Variants in EXTL3 observed in about 807,000 individuals in gnomAD.
EXTL3 encodes exostosin-like 3.
EXTL3 carries 27 observed loss-of-function variants against 69.3 expected under a neutral mutation model. The ratio of observed to expected loss-of-function variants is 0.39; its 90% confidence interval spans 0.29 to 0.54. The LOEUF (loss-of-function observed/expected upper bound fraction) is 0.54. Among genes scored for constraint, EXTL3 ranks in the 20% least tolerant of loss-of-function variants. The pLI is 0.69. For synonymous variants in EXTL3, 511 were observed against 499.4 expected (o/e 1.02, Z -0.31); for missense variants, 1,003 against 1,231.8 (o/e 0.81, Z 2.78).
intron 1 of EXTL3, among the ~76,000 whole-genome samples, chr8:28,646,007 C>T (rs538249793): frequency 2.6e-5 from 4 of 152,090 alleles, no homozygotes; most frequent in African/African-American, 9.6e-5. Flanking sequence ...GGACCACAGG[C>T]GTGCGCCACC....
chr8:28,719,375 G>A (rs1801244320), intron 3 of EXTL3, among the ~76,000 whole-genome samples: 1 of 152,188 alleles, frequency 6.6e-6, no homozygotes, highest in Non-Finnish European at 1.5e-5. Flanking sequence ...TAAAGGAGAT[G>A]GAAGCCAGTA....
chr8:28,625,208 A>G (rs1460440614), intron 1 of EXTL3, among the ~76,000 whole-genome samples: 3 of 152,310 alleles, frequency 2.0e-5, no homozygotes, highest in South Asian at 2.1e-4. Context: ...GCTCACTCCT[A>G]GTGAAAACAC....
upstream of EXTL3, among the ~76,000 whole-genome samples, chr8:28,621,370 G>T (rs1457722279): frequency 1.3e-5 from 2 of 152,152 alleles, no homozygotes; most frequent in African/African-American, 4.8e-5. Flanking sequence ...CAGGAGAGAG[G>T]CCTGAAACAA....
At chr8:28,663,265 G>A (rs910438878) in intron 1 of EXTL3, among the ~76,000 whole-genome samples, 1 of 152,142 alleles carries the variant, frequency 6.6e-6, no homozygotes, top group Non-Finnish European at 1.5e-5. Flanking sequence ...GATGGGTAAG[G>A]GGTGTCCTCT....
intron 1 of EXTL3, among the ~76,000 whole-genome samples, chr8:28,663,994 T>C (rs970334026): frequency 1.3e-5 from 2 of 152,234 alleles, no homozygotes; most frequent in African/African-American, 4.8e-5. Flanking sequence ...AAAACATTGC[T>C]GTCTCTTTAT....
At position 28,751,282 on chromosome 8, in the gene EXTL3, C is replaced by T. The variant is rs1262777367; in HGVS notation, c.*416C>T. 2 of 199,200 alleles carry T rather than the reference C, an allele frequency of 1.0e-5. No individual in the cohort carries two copies. The highest frequency in any genetic ancestry group is 4.6e-5 in the African/African-American group (2 of 43,154). The allele number at this position is 199,200 out of a possible 1,614,324, so 12.3% of individuals were successfully genotyped here. ...GTGTGTGTATATAAATACATGCACA[C>T]ACTTGCATACATATATATTTTTGGC... is the stretch of plus-strand genomic sequence containing the variant. On this transcript the variant is annotated 3_prime_UTR_variant, in exon 7 of 7. Coordinates refer to ENST00000220562, the MANE Select transcript of EXTL3 (RefSeq NM_001440.4).
At chr8:28,685,099 G>T (rs908371409) in intron 1 of EXTL3, among the ~76,000 whole-genome samples, 2 of 151,036 alleles carry the variant, frequency 1.3e-5, no homozygotes, top group African/African-American at 2.4e-5. Context: ...TTACAGGCAC[G>T]TGCCACCACG....
chr8:28,681,727 T>C (rs576577284), intron 1 of EXTL3, among the ~76,000 whole-genome samples: 4 of 152,138 alleles, frequency 2.6e-5, no homozygotes, highest in African/African-American at 7.2e-5. Context: ...TCCATACTGT[T>C]TTTCCATAAT....
intron 2 of EXTL3, among the ~76,000 whole-genome samples, chr8:28,616,459 A>G (rs549020062): frequency 5.3e-5 from 8 of 152,270 alleles, no homozygotes; most frequent in Non-Finnish European, 1.2e-4. Context: ...CCCCGCCTCT[A>G]CTAAAAAAGT....
At position 28,751,033 on chromosome 8, in the gene EXTL3, T is replaced by C. The variant is rs970680605; in HGVS notation, c.*167T>C. 5 of 639,374 alleles carry C rather than the reference T, an allele frequency of 7.8e-6. No individual in the cohort carries two copies. Among genetic ancestry groups the C allele is most frequent in the Non-Finnish European group, 1.1e-5 (4 of 365,076 alleles). 39.6% of individuals were successfully genotyped at this position (639,374 alleles called of 1,614,324 possible). Reference sequence around the variant, plus strand: ...GGAAACCGCTGCCTTTATCTTGAAGTCAGCCACACTGGGCCTGGAGCCCTG... The same window carrying C: ...GGAAACCGCTGCCTTTATCTTGAAGCCAGCCACACTGGGCCTGGAGCCCTG... On this transcript the variant is annotated 3_prime_UTR_variant, in exon 7 of 7. Transcript: ENST00000220562.
chr8:28,684,288 A>G (rs1448445357), intron 1 of EXTL3, among the ~76,000 whole-genome samples: 1 of 152,162 alleles, frequency 6.6e-6, no homozygotes, highest in African/African-American at 2.4e-5. Context: ...TTTTGAGTAT[A>G]TACCCAGCAG....
intron 3 of EXTL3, among the ~76,000 whole-genome samples, chr8:28,729,291 T>TAAAA (rs1801480851): frequency 6.0e-5 from 3 of 50,380 alleles, no homozygotes; most frequent in Admixed American, 1.9e-4. Context: ...AGACTCTATC[T>TAAAA]CAAAAAAAAA....
chr8:28,747,117 G>C (rs923078059), intron 6 of EXTL3, among the ~76,000 whole-genome samples: 2 of 152,210 alleles, frequency 1.3e-5, no homozygotes, highest in African/African-American at 4.8e-5. Context: ...GTTGGATTCT[G>C]GTGTCTGGAA....
rs746513414 is a variant in EXTL3 at position 28,716,913 on chromosome 8, A to G, written c.854A>G (p.Gln285Arg). 6.8e-6 allele frequency: 11 copies of G among 1,614,220 alleles called. No individual in the cohort carries two copies. In the South Asian group the frequency reaches 1.2e-4, roughly 18 times the overall value. The change falls in exon 3 of 7, where the codon CAG becomes CGG. Residue 285 changes from glutamine to arginine, a missense_variant. Physicochemically the swap from Gln to Arg is conservative, Grantham distance 43. This residue lies in a region of EXTL3 where 742 missense variants were observed against 815.4 expected (regional missense o/e 0.91). Transcript: ENST00000220562. This position sits in a 1 kb window ranked among gnomAD's most constrained non-coding sequence, Gnocchi z 7.1. ...IINLSRKSDT[Q>R]NLLYNVSTGR... is the part of the protein sequence containing the mutation. Reference sequence around the variant, plus strand: ...AATCTGTCACGTAAGTCAGATACACAGAACCTTCTCTATAACGTCAGTACT... The same window carrying G: ...AATCTGTCACGTAAGTCAGATACACGGAACCTTCTCTATAACGTCAGTACT...
intron 5 of EXTL3, among the ~76,000 whole-genome samples, chr8:28,739,493 AT>A (rs1454067444): frequency 6.6e-6 from 1 of 151,476 alleles, no homozygotes; most frequent in African/African-American, 2.4e-5. Flanking sequence ...CACCTGGCTA[AT>A]TTTTTTTGGT....
At chr8:28,644,079 T>C (rs1465643435) in intron 1 of EXTL3, among the ~76,000 whole-genome samples, 2 of 152,172 alleles carry the variant, frequency 1.3e-5, no homozygotes, top group African/African-American at 4.8e-5. Flanking sequence ...AATATGTTTT[T>C]AAAACATTTT....
intron 2 of EXTL3, among the ~76,000 whole-genome samples, chr8:28,715,050 A>G (rs902049816): frequency 2.0e-5 from 3 of 152,266 alleles, no homozygotes; most frequent in African/African-American, 7.2e-5. Flanking sequence ...TCTCAGGATT[A>G]CTGCATCTAC....
chr8:28,643,632 A>T (rs1290184606), intron 1 of EXTL3, among the ~76,000 whole-genome samples: 3 of 151,214 alleles, frequency 2.0e-5, no homozygotes. Flanking sequence ...GTTAGCCAGG[A>T]TGGTCTCGAT....
intron 1 of EXTL3, among the ~76,000 whole-genome samples, chr8:28,703,209 A>T (rs1370084618): frequency 6.6e-6 from 1 of 152,172 alleles, no homozygotes; most frequent in African/African-American, 2.4e-5. Flanking sequence ...AGACTTCCGG[A>T]AACGTGCTTA....
Sources: gnomAD v4.1 joint callset for allele counts (sites outside exome capture counted in the v4.1 genomes callset) on GRCh38, gnomAD v4.1.1 for gene constraint, gnomAD v4.1.1 regional missense constraint, Gnocchi (gnomAD v3.1) non-coding constraint, MANE v1.5 for transcripts, NCBI Gene and HGNC (gene_info 2026-07-23, HGNC 2026-07-21) for gene names.